ADAMTSL1: variants seen among roughly 807,000 people sequenced by gnomAD.
ADAMTSL1 encodes the protein ADAMTS-like protein 1.
A neutral mutation model predicts 201.8 loss-of-function variants in ADAMTSL1; 126 were observed. That is an observed-to-expected ratio of 0.62 (90% CI 0.54 to 0.72). ADAMTSL1 has a LOEUF of 0.72. ADAMTSL1 is among the 30% of genes least tolerant of loss of function. The pLI, the probability that ADAMTSL1 is intolerant of heterozygous loss-of-function variation, is 0.00. For missense variants in ADAMTSL1, 2,679 were observed against 2,277.8 expected, an observed-to-expected ratio of 1.18 and a Z score of -3.59; for synonymous variants, 1,121 against 903.4, an observed-to-expected ratio of 1.24 and a Z score of -4.32.
chr9:18,058,689 A>G (rs1214985934), intron 1 of ADAMTSL1, among the ~76,000 whole-genome samples: 1 of 152,178 alleles, frequency 6.6e-6, no homozygotes, highest in Non-Finnish European at 1.5e-5. Flanking sequence ...CTAACTGAGA[A>G]GTCTTTGTCC....
At chr9:18,601,119 C>G (rs1824622334) in intron 4 of ADAMTSL1, among the ~76,000 whole-genome samples, 1 of 152,144 alleles carries the variant, frequency 6.6e-6, no homozygotes, top group East Asian at 1.9e-4. Context: ...AATAGAGTTT[C>G]CTTCTGTATA....
intron 2 of ADAMTSL1, among the ~76,000 whole-genome samples, chr9:18,291,743 T>TCA (rs1374547228): frequency 2.5e-4 from 29 of 114,702 alleles, no homozygotes; most frequent in South Asian, 9.3e-4. Flanking sequence ...TCTCTCTCTC[T>TCA]CTCTCACACA....
rs1419691713 is a variant in ADAMTSL1 at position 18,899,468 on chromosome 9, G to C, written c.4852-6314G>C. On this transcript the variant is annotated intron_variant, in intron 26 of 28. Coordinates refer to ENST00000380548, the MANE Select transcript of ADAMTSL1 (RefSeq NM_001040272.6). ...ACTATTTTAAAATTCATATGAAACT[G>C]AAAAAGAGCCCGAGTAGTCAAGACA... 2.6e-5 allele frequency among the ~76,000 whole-genome samples: 4 copies of C among 152,128 alleles called. 1 individual carries two copies. The highest frequency in any genetic ancestry group is 5.9e-5 in the Non-Finnish European group (4 of 68,016).
At position 18,554,453 on chromosome 9, in the gene ADAMTSL1, C is replaced by T. The variant is rs149723413; in HGVS notation, c.238-19577C>T. Among the ~76,000 whole-genome samples, 103 of 151,862 alleles carry T rather than the reference C, an allele frequency of 6.8e-4. 1 individual carries two copies. Among genetic ancestry groups the T allele is most frequent in the African/African-American group, 2.2e-3 (91 of 41,454 alleles). On this transcript the variant is annotated intron_variant, in intron 3 of 28. Transcript: ENST00000380548. Reference sequence around the variant, plus strand: ...GATGTGTACTTCCTGGAATAATTTACGTTTGCTCTTGAGGAGGATGTTGGC... The same window carrying T: ...GATGTGTACTTCCTGGAATAATTTATGTTTGCTCTTGAGGAGGATGTTGGC...
At chr9:18,187,102 G>A (rs573874575) in intron 2 of ADAMTSL1, among the ~76,000 whole-genome samples, 7 of 152,214 alleles carry the variant, frequency 4.6e-5, no homozygotes, top group Middle Eastern at 3.4e-3. Context: ...CTGTCATGTG[G>A]TGTTCCCAGT....
intron 16 of ADAMTSL1, among the ~76,000 whole-genome samples, chr9:18,766,029 T>C (rs1820336073): frequency 6.6e-6 from 1 of 151,764 alleles, no homozygotes; most frequent in Admixed American, 6.6e-5. Context: ...AGAAACAAGC[T>C]TGACATGTTT....
intron 1 of ADAMTSL1, among the ~76,000 whole-genome samples, chr9:18,120,667 CAT>C (rs997219955): frequency 2.6e-5 from 4 of 152,264 alleles, no homozygotes; most frequent in African/African-American, 7.2e-5. Flanking sequence ...CAAAAAAACA[CAT>C]ATAAGAAATG....
At chr9:17,985,691 C>T (rs944957580) in intron 1 of ADAMTSL1, among the ~76,000 whole-genome samples, 1 of 152,074 alleles carries the variant, frequency 6.6e-6, no homozygotes, top group Admixed American at 6.6e-5. Context: ...TCCGCAATCT[C>T]TAAATATCAC....
Position 18,747,383 on chromosome 9 carries a change from G to T in ADAMTSL1, c.2007-5915G>T, listed in dbSNP as rs575169583. 4.6e-5 allele frequency among the ~76,000 whole-genome samples: 7 copies of T among 151,938 alleles called. No homozygotes were observed. The South Asian group carries it at 1.5e-3, about 32-fold the overall frequency. On this transcript the variant is annotated intron_variant, in intron 15 of 28. Coordinates refer to ENST00000380548, the MANE Select transcript of ADAMTSL1 (RefSeq NM_001040272.6). ...GCTGAGACCTCAGTGAATGAGGCTC[G>T]GATCATGCAGAACTGAGGTTCATAA...
At chr9:18,198,280 C>A (rs1474910534) in intron 2 of ADAMTSL1, among the ~76,000 whole-genome samples, 1 of 150,330 alleles carries the variant, frequency 6.7e-6, no homozygotes, top group Non-Finnish European at 1.5e-5. Context: ...AACTAAAGAG[C>A]TTCTGCACAG....
At chr9:18,770,185 T>C (rs116427110) in intron 16 of ADAMTSL1, among the ~76,000 whole-genome samples, 39 of 152,268 alleles carry the variant, frequency 2.6e-4, no homozygotes, top group African/African-American at 8.7e-4. Context: ...GCAAATTAAT[T>C]CCTCCAGATT....
chr9:18,703,286 T>C lies in ADAMTSL1; in HGVS notation c.1575-3461T>C, dbSNP rs1261349668. On this transcript the variant is annotated intron_variant, in intron 13 of 28. Coordinates refer to ENST00000380548, the MANE Select transcript of ADAMTSL1 (RefSeq NM_001040272.6). ...TCTCACTGACCTCGCTTCCTCCCAC[T>C]TGTGGCCAGAAAACTCAAGATAGTA... Among the ~76,000 whole-genome samples, 9 of 152,204 alleles carry C rather than the reference T, an allele frequency of 5.9e-5. No individual in the cohort carries two copies. The South Asian group carries it at 1.5e-3, about 25-fold the overall frequency.
intron 13 of ADAMTSL1, among the ~76,000 whole-genome samples, chr9:18,698,917 G>C (rs1195118830): frequency 6.6e-6 from 1 of 152,120 alleles, no homozygotes; most frequent in African/African-American, 2.4e-5. Flanking sequence ...CCGTTAGTAA[G>C]ACTCCTTATA....
At chr9:18,538,036 G>C (rs1819901380) in intron 3 of ADAMTSL1, among the ~76,000 whole-genome samples, 1 of 152,048 alleles carries the variant, frequency 6.6e-6, no homozygotes, top group Admixed American at 6.6e-5. Context: ...GAAGCTCCTG[G>C]ATAATTTTAA....
chr9:18,839,234 A>ATC lies in ADAMTSL1; in HGVS notation c.4249+9257_4249+9258insTC, dbSNP rs1825552470. 2.8e-5 allele frequency among the ~76,000 whole-genome samples: 4 copies of ATC among 144,078 alleles called. No individual in the cohort carries two copies. The South Asian group carries it at 9.3e-4, about 33-fold the overall frequency. 94.5% of individuals were successfully genotyped at this position (144,078 alleles called of 152,430 possible). A position where few individuals can be genotyped will look rare whatever the true frequency, so the allele number is the denominator to read the frequency against. ...GAGTGTAATGTTCCCCTTCCTGTGT[A>ATC]CATGTGTTCTCATTGTTCAATTCCC... On this transcript the variant is annotated intron_variant, in intron 23 of 28. Transcript: ENST00000380548.
At chr9:18,360,927 G>C (rs534117836) in intron 2 of ADAMTSL1, among the ~76,000 whole-genome samples, 1 of 151,908 alleles carries the variant, frequency 6.6e-6, no homozygotes, top group Non-Finnish European at 1.5e-5. Context: ...TTTCCCTGCC[G>C]CCAAATAAAT....
chr9:18,381,285 G>T (rs897891170), intron 2 of ADAMTSL1, among the ~76,000 whole-genome samples: 2 of 152,098 alleles, frequency 1.3e-5, no homozygotes, highest in African/African-American at 4.8e-5. Flanking sequence ...GTAGGTCTTT[G>T]TGTTTGGCTT....
intron 2 of ADAMTSL1, among the ~76,000 whole-genome samples, chr9:18,210,471 T>C (rs1049020479): frequency 6.8e-6 from 1 of 147,098 alleles, no homozygotes; most frequent in Non-Finnish European, 1.5e-5. Context: ...ATTAATTATA[T>C]ATGATATATA....
intron 4 of ADAMTSL1, among the ~76,000 whole-genome samples, chr9:18,613,519 A>T (rs991746964): frequency 6.6e-6 from 1 of 152,220 alleles, no homozygotes; most frequent in African/African-American, 2.4e-5. Flanking sequence ...ACACCATGGA[A>T]TATTATGCAG....
Sources: allele counts gnomAD v4.1 joint callset (sites outside exome capture counted in the v4.1 genomes callset), GRCh38; gene constraint gnomAD v4.1.1; transcripts MANE v1.5; gene names NCBI Gene and HGNC (gene_info 2026-07-23, HGNC 2026-07-21).